The following SUN1 variants were observed in gnomAD, a reference collection of about 807,000 sequenced individuals.
SUN1 encodes the protein SUN domain-containing protein 1.
In SUN1, 61 loss-of-function variants were observed where a neutral mutation model predicts 103.2. That is an observed-to-expected ratio of 0.59 (90% CI 0.48 to 0.73). The LOEUF (loss-of-function observed/expected upper bound fraction) is 0.73, where lower values mean the gene tolerates loss of function less well. Among genes scored for constraint, SUN1 ranks in the 30% least tolerant of loss-of-function variants. SUN1 has a pLI of 0.00. For synonymous variants in SUN1, 490 were observed against 425.7 expected, an observed-to-expected ratio of 1.15 and a Z score of -1.86; for missense variants, 1,052 against 1,034.6, an observed-to-expected ratio of 1.02 and a Z score of -0.23.
chr7:855,836 C>T (rs533471057), intron 11 of SUN1, among the ~76,000 whole-genome samples: 3 of 151,988 alleles, frequency 2.0e-5, no homozygotes, highest in Admixed American at 6.5e-5. Flanking sequence ...CTCCTCTGTC[C>T]GCCCAAGAGG....
At chr7:830,613 G>A (rs1272181600), upstream of SUN1, among the ~76,000 whole-genome samples, 2 of 152,196 alleles carry the variant, frequency 1.3e-5, no homozygotes, top group Non-Finnish European at 2.9e-5. Flanking sequence ...GCTGAACCTG[G>A]AGTGTGACCT....
chr7:866,528 C>T (rs1351376814), intron 16 of SUN1, among the ~76,000 whole-genome samples: 4 of 142,448 alleles, frequency 2.8e-5, no homozygotes, highest in Admixed American at 2.7e-4. Flanking sequence ...CTCCCCGGGC[C>T]TTCTCCCCCA....
chr7:850,807 A>AT (rs1821336648), intron 5 of SUN1: 2 of 151,532 alleles, frequency 1.3e-5, no homozygotes, highest in African/African-American at 4.8e-5. Flanking sequence ...AACAAAACAG[A>AT]TTTCATGAGC....
At position 865,155 on chromosome 7, in the gene SUN1, C is replaced by T. The variant is rs561059405; in HGVS notation, c.1865-797C>T. Among the ~76,000 whole-genome samples, 5 of 152,276 alleles carry T rather than the reference C, an allele frequency of 3.3e-5. No individual in the cohort carries two copies. The East Asian group carries it at 9.7e-4, about 29-fold the overall frequency. ...CATGTTTTTGCAAATGACAGGCTCG[C>T]TGTATCACCCAGGCTGGAGTCAGTG... On this transcript the variant is annotated intron_variant, in intron 15 of 18. Transcript: ENST00000401592.
At chr7:836,101 G>A (rs943026795) in intron 1 of SUN1, among the ~76,000 whole-genome samples, 1 of 152,230 alleles carries the variant, frequency 6.6e-6, no homozygotes, top group Non-Finnish European at 1.5e-5. Flanking sequence ...GTCGGCTGCT[G>A]GGGGAGGTGG....
chr7:862,767 A>C (rs1192285796), intron 15 of SUN1, among the ~76,000 whole-genome samples: 1 of 152,214 alleles, frequency 6.6e-6, no homozygotes, highest in Non-Finnish European at 1.5e-5. Flanking sequence ...ATTGATTGAC[A>C]CTTTGTGAGT....
intron 5 of SUN1, among the ~76,000 whole-genome samples, chr7:848,068 C>T (rs62430775): frequency 7.9e-5 from 5 of 63,394 alleles, no homozygotes; most frequent in East Asian, 5.7e-4. Context: ...TACCCCGCAG[C>T]GCCCTCTCTG....
chr7:849,068 C>A (rs577721276), intron 5 of SUN1, among the ~76,000 whole-genome samples: 1 of 152,294 alleles, frequency 6.6e-6, no homozygotes, highest in Admixed American at 6.5e-5. Flanking sequence ...TCTCCTGCCT[C>A]AGCCTCCCAA....
At chr7:851,732 T>C in intron 6 of SUN1, 1 of 626,284 alleles carries the variant, frequency 1.6e-6, no homozygotes, top group South Asian at 2.0e-5. Flanking sequence ...AGAGAATGCA[T>C]GGATCTGGGG....
At chr7:859,143 A>G (rs1830159768) in intron 13 of SUN1, among the ~76,000 whole-genome samples, 2 of 144,756 alleles carry the variant, frequency 1.4e-5, no homozygotes, top group Non-Finnish European at 3.0e-5. Context: ...ACAGAGCAAG[A>G]CTCCGTCTCA....
In SUN1 at chr7:853,583, T is replaced by G. The variant is rs770565376; in HGVS notation, c.1228T>G (p.Ser410Ala). The G allele has an allele frequency of 3.1e-6, 5 of 1,607,806 alleles. No homozygotes were observed. Among genetic ancestry groups the G allele is most frequent in the Non-Finnish European group, 4.2e-6 (5 of 1,179,930 alleles). The change falls in exon 10 of 19, where the codon TCG (serine) becomes GCG (alanine). Residue 410 changes from serine to alanine, a missense_variant. Ser to Ala is a moderately conservative substitution (Grantham distance 99). Around this residue, in one of 2 missense-constraint regions of SUN1, gnomAD observed 846 missense variants for 774.5 expected, o/e 1.09. Coordinates refer to ENST00000401592, the MANE Select transcript of SUN1 (RefSeq NM_001130965.3). Reference protein sequence around the residue: ...MEGGAAGPSASVRDAVGQPPR... With the variant: ...MEGGAAGPSAAVRDAVGQPPR... ...AGGCGGCGCTGCCGGGCCGTCAGCT[T>G]CGGTCAGAGACGCTGTGGGACAGCC...
intron 13 of SUN1, among the ~76,000 whole-genome samples, chr7:859,691 G>C (rs1031866208): frequency 6.6e-6 from 1 of 152,242 alleles, no homozygotes; most frequent in Non-Finnish European, 1.5e-5. Flanking sequence ...TGTGTGCTTA[G>C]AAATAACATG....
At chr7:861,259 A>G in intron 14 of SUN1, 121 bp from the exon 15 acceptor site, 1 of 958,900 alleles carries the variant, frequency 1.0e-6, no homozygotes, top group Admixed American at 2.0e-5. Context: ...TAGGAACCCT[A>G]CATAGTTTCC....
chr7:849,702 A>G, intron 5 of SUN1: 1 of 1,339,868 alleles, frequency 7.5e-7, no homozygotes, highest in Non-Finnish European at 1.1e-6. Context: ...GGCCCGTGTG[A>G]CATGGTGGTC....
chr7:853,384 T>C, intron 9 of SUN1, 25 bp from the exon 10 acceptor site: 3 of 1,611,974 alleles, frequency 1.9e-6, no homozygotes, highest in Non-Finnish European at 1.7e-6. Context: ...GACTACCTGG[T>C]TTCATTTCTC....
At chr7:853,696 C>T (rs781007870) in intron 10 of SUN1, 78 bp downstream of exon 10, 31 of 1,470,490 alleles carry the variant, frequency 2.1e-5, no homozygotes, top group Non-Finnish European at 2.8e-5. Context: ...TTTTGGGAGA[C>T]AGAGGGGACA....
chr7:834,905 G>A (rs954705773), intron 1 of SUN1, among the ~76,000 whole-genome samples: 2 of 151,994 alleles, frequency 1.3e-5, no homozygotes, highest in Non-Finnish European at 2.9e-5. Flanking sequence ...GTGAAACCCC[G>A]TCTCTACTAA....
At chr7:829,307 G>A (rs941157778), upstream of SUN1, among the ~76,000 whole-genome samples, 5 of 152,342 alleles carry the variant, frequency 3.3e-5, no homozygotes, top group East Asian at 9.6e-4. Flanking sequence ...TAGCAGCGAT[G>A]TAATGGAGAC....
chr7:830,909 C>G (rs1797341343), upstream of SUN1: 2 of 980,256 alleles, frequency 2.0e-6, no homozygotes, highest in Non-Finnish European at 2.4e-6. Flanking sequence ...CTGGGCGGGG[C>G]TGGGTTCTGC....
Sources: gnomAD v4.1 joint callset for allele counts (sites outside exome capture counted in the v4.1 genomes callset) on GRCh38, gnomAD v4.1.1 for gene constraint, gnomAD v4.1.1 regional missense constraint, MANE v1.5 for transcripts, NCBI Gene and HGNC (gene_info 2026-07-23, HGNC 2026-07-21) for gene names.